Variants in UBR4 observed in about 807,000 individuals in gnomAD.
The protein encoded by UBR4 is E3 ubiquitin-protein ligase UBR4.
UBR4 carries 124 observed loss-of-function variants against 575.6 expected under a neutral mutation model. That is an observed-to-expected ratio of 0.22 (90% CI 0.19 to 0.25). The LOEUF (loss-of-function observed/expected upper bound fraction) is 0.25. Ranked by LOEUF, UBR4 falls within the 10% of genes least tolerant of loss-of-function variation. The probability of loss-of-function intolerance (pLI) is 1.00; values close to 1 mark genes in which losing one functional copy is unlikely to be tolerated. For missense variants in UBR4, 4,818 were observed against 6,478.8 expected (o/e 0.74, Z 8.80); for synonymous variants, 2,455 against 2,473.7 (o/e 0.99, Z 0.22).
rs374742882 is a variant in UBR4 at position 19,177,773 on chromosome 1, G to C, written c.2355-30C>G. 1.9e-6 allele frequency: 3 copies of C among 1,598,936 alleles called. No homozygotes were observed. In the African/African-American group the frequency reaches 4.1e-5, roughly 22 times the overall value. On this transcript the variant is annotated intron_variant, in intron 18 of 105. Coordinates refer to ENST00000375254, the MANE Select transcript of UBR4 (RefSeq NM_020765.3). ...CAGAGAGAAAAGATGACTATATCTGGTGGGAAAAAGAGCATTCCCCAGGAG... is the reference window on the plus strand; with the variant it reads ...CAGAGAGAAAAGATGACTATATCTGCTGGGAAAAAGAGCATTCCCCAGGAG...
intron 59 of UBR4, 47 bp from the exon 60 acceptor site, chr1:19,138,228 A>G (rs773841586): frequency 8.9e-6 from 13 of 1,452,898 alleles, no homozygotes; most frequent in Non-Finnish European, 1.2e-5. Context: ...CCAAAGCATG[A>G]AGGAACCCAG....
At chr1:19,140,630 G>A (rs2083783465) in intron 58 of UBR4, among the ~76,000 whole-genome samples, 158 bp downstream of exon 58, 1 of 152,254 alleles carries the variant, frequency 6.6e-6, no homozygotes, top group Admixed American at 6.5e-5. Context: ...CCGAGCCACA[G>A]CACTACACCC....
In UBR4 at chr1:19,173,492, T is replaced by C; in HGVS notation, c.3112A>G (p.Thr1038Ala). 6.2e-7 allele frequency: 1 copy of C among 1,614,086 alleles called. No individual in the cohort carries two copies. ...PEMSECDILHTLRWSSRLRIS... is the reference protein window; with the variant it reads ...PEMSECDILHALRWSSRLRIS... ...CGGAGCCGAGAAGACCATCGCAGAG[T>C]GTGCAAGATGTCACATTCGCTCATC... Residue 1038 changes from threonine (T) to alanine (A), a missense_variant, in exon 23 of 106, where the codon ACT becomes GCT. Around this residue, in one of 29 missense-constraint regions of UBR4, gnomAD observed 1,172 missense variants for 1,259.7 expected, o/e 0.93. Coordinates refer to ENST00000375254, the MANE Select transcript of UBR4 (RefSeq NM_020765.3).
rs1428078885 is a variant in UBR4, at chr1:19,172,849, G to A, written c.3521+15C>T. 9.3e-6 allele frequency: 15 copies of A among 1,612,756 alleles called. No homozygotes were observed. The East Asian group carries it at 3.1e-4, about 34-fold the overall frequency. ...AAGAGTGCATGTGCATCTCTGGGCA[G>A]GCAGTTCGCCACACCTGGTGAACGA... On this transcript the variant is annotated intron_variant, in intron 25 of 105. Transcript: ENST00000375254.
At chr1:19,098,723 G>T (rs949083559) in intron 90 of UBR4, among the ~76,000 whole-genome samples, 6 of 152,006 alleles carry the variant, frequency 3.9e-5, no homozygotes, top group African/African-American at 7.3e-5. Flanking sequence ...GGAGAGAGGC[G>T]GAAATATGTA....
At chr1:19,101,745 G>A (rs931619468) in intron 87 of UBR4, 104 bp from the exon 88 acceptor site, 2 of 1,516,950 alleles carry the variant, frequency 1.3e-6, no homozygotes, top group Non-Finnish European at 8.9e-7. Flanking sequence ...TTTCTGCCTG[G>A]TAAGTCTTTA....
Position 19,173,204 on chromosome 1 carries a change from C to G in UBR4, c.3268G>C (p.Val1090Leu). 6.2e-7 allele frequency: 1 copy of G among 1,614,226 alleles called. No homozygotes were observed. Among genetic ancestry groups the G allele is most frequent in the Non-Finnish European group, 8.5e-7 (1 of 1,180,028 alleles). ...CSSVKYDVEI[V>L]EEYFARQISS... Reference sequence around the variant, plus strand: ...ACCTGTCGAGCGAAGTATTCCTCTACTATTTCAACATCATATTTCACTGAG... The same window carrying G: ...ACCTGTCGAGCGAAGTATTCCTCTAGTATTTCAACATCATATTTCACTGAG... The change falls in exon 24 of 106, where the codon GTA (valine) becomes CTA (leucine). Residue 1090 changes from valine (V) to leucine (L), a missense_variant. Coordinates refer to ENST00000375254, the MANE Select transcript of UBR4 (RefSeq NM_020765.3).
chr1:19,202,028 A>T (rs2092768978), intron 1 of UBR4, among the ~76,000 whole-genome samples: 1 of 152,126 alleles, frequency 6.6e-6, no homozygotes, highest in Admixed American at 6.5e-5. Flanking sequence ...ACCCGTCACC[A>T]CTAAAAATAC....
At chr1:19,172,478 T>C (rs1219550107) in intron 25 of UBR4, among the ~76,000 whole-genome samples, 3 of 151,942 alleles carry the variant, frequency 2.0e-5, no homozygotes, top group African/African-American at 2.4e-5. Context: ...GATCGCACCA[T>C]TGCACTCCAG....
At chr1:19,090,310 C>A (rs1030702363) in intron 97 of UBR4, among the ~76,000 whole-genome samples, 8 of 152,218 alleles carry the variant, frequency 5.3e-5, no homozygotes, top group Non-Finnish European at 7.3e-5. Flanking sequence ...AACTGTTCTT[C>A]CTACCTCCAA....
chr1:19,077,694 T>C (rs767907341), intron 104 of UBR4: 26 of 1,245,382 alleles, frequency 2.1e-5, no homozygotes, highest in Non-Finnish European at 2.8e-5. Flanking sequence ...GATCACGCCA[T>C]TGCACTCCAG....
At chr1:19,134,008 C>A (rs1256395274) in intron 60 of UBR4, among the ~76,000 whole-genome samples, 1 of 148,734 alleles carries the variant, frequency 6.7e-6, no homozygotes, top group Non-Finnish European at 1.5e-5. Flanking sequence ...ATTGCTTGAA[C>A]CTGGGAACTG....
chr1:19,102,264 C>T (rs746896634), intron 87 of UBR4, among the ~76,000 whole-genome samples: 7 of 151,994 alleles, frequency 4.6e-5, no homozygotes, highest in Non-Finnish European at 8.8e-5. Context: ...ACTCAGGAGG[C>T]TGAGGTGGGA....
Position 19,074,565 on chromosome 1 carries a change from T to C in UBR4, c.*267A>G. 1 of 520,188 alleles carries C rather than the reference T, an allele frequency of 1.9e-6. No individual in the cohort carries two copies. Among genetic ancestry groups the C allele is most frequent in the East Asian group, 3.2e-5 (1 of 30,840 alleles). 32.2% of individuals were successfully genotyped at this position (520,188 alleles called of 1,614,324 possible). ...TTCTCAAGATGTGCACACTCAAGTA[T>C]GAAGCTGGCCGGGACAACTCATGGC... On this transcript the variant is annotated 3_prime_UTR_variant, in exon 106 of 106. Coordinates refer to ENST00000375254, the MANE Select transcript of UBR4 (RefSeq NM_020765.3).
intron 8 of UBR4, among the ~76,000 whole-genome samples, chr1:19,195,967 TATACACAC>T (rs1314027063): frequency 9.6e-6 from 1 of 104,508 alleles, no homozygotes; most frequent in African/African-American, 4.2e-5. Context: ...CAGACTTACT[TATACACAC>T]ACACACACAC....
intron 50 of UBR4, 69 bp downstream of exon 50, chr1:19,148,494 G>C: frequency 6.3e-7 from 1 of 1,582,334 alleles, no homozygotes; most frequent in Non-Finnish European, 8.7e-7. Context: ...AGGCCTCAGG[G>C]CCTCGGGCAA....
intron 26 of UBR4, among the ~76,000 whole-genome samples, chr1:19,170,255 C>T (rs961926076): frequency 3.3e-5 from 5 of 152,104 alleles, no homozygotes; most frequent in Admixed American, 6.5e-5. Context: ...AAAAATTATA[C>T]GGGTATGGTA....
chr1:19,200,037 T>C (rs1291837478), intron 2 of UBR4, among the ~76,000 whole-genome samples: 1 of 152,248 alleles, frequency 6.6e-6, no homozygotes, highest in Non-Finnish European at 1.5e-5. Flanking sequence ...AAACCAATTC[T>C]ATGAGGCAGA....
In UBR4 at chr1:19,089,218, G is replaced by C. The variant is rs1386243861; in HGVS notation, c.14212-241C>G. 6.6e-6 allele frequency among the ~76,000 whole-genome samples: 1 copy of C among 152,168 alleles called. No individual in the cohort carries two copies. Among genetic ancestry groups the C allele is most frequent in the Non-Finnish European group, 1.5e-5 (1 of 68,030 alleles). On this transcript the variant is annotated intron_variant, in intron 97 of 105. Coordinates refer to ENST00000375254, the MANE Select transcript of UBR4 (RefSeq NM_020765.3). This position sits in a 1 kb window ranked among gnomAD's most constrained non-coding sequence, Gnocchi z 4.3. ...CTCAGTATTTCCATCTATAAAATGGGGATAGTGCAAGGGCTGCTGTGATGA... is the reference window on the plus strand; with the variant it reads ...CTCAGTATTTCCATCTATAAAATGGCGATAGTGCAAGGGCTGCTGTGATGA...
Sources: gnomAD v4.1 joint callset for allele counts (sites outside exome capture counted in the v4.1 genomes callset) on GRCh38, gnomAD v4.1.1 for gene constraint, gnomAD v4.1.1 regional missense constraint, Gnocchi (gnomAD v3.1) non-coding constraint, MANE v1.5 for transcripts, NCBI Gene and HGNC (gene_info 2026-07-23, HGNC 2026-07-21) for gene names.